Variants in DIS3L2 observed in about 807,000 individuals in gnomAD.
The protein encoded by DIS3L2 is DIS3-like exonuclease 2.
A neutral mutation model predicts 97.5 loss-of-function variants in DIS3L2; 34 were observed. That is an observed-to-expected ratio of 0.35 (90% CI 0.27 to 0.46). DIS3L2 has a LOEUF of 0.46. Ranked by LOEUF, DIS3L2 falls within the 20% of genes least tolerant of loss-of-function variation. The pLI is 1.00. For missense variants in DIS3L2, 1,038 were observed against 1,146.0 expected, an observed-to-expected ratio of 0.91 and a Z score of 1.36; for synonymous variants, 435 against 445.2, an observed-to-expected ratio of 0.98 and a Z score of 0.29.
At chr2:232,059,530 T>G (rs1695643260) in intron 5 of DIS3L2, among the ~76,000 whole-genome samples, 1 of 152,192 alleles carries the variant, frequency 6.6e-6, no homozygotes, top group South Asian at 2.1e-4. Flanking sequence ...TGTGCAGGTT[T>G]GTTACCTGAC....
intron 6 of DIS3L2, among the ~76,000 whole-genome samples, chr2:232,100,804 G>GAT (rs1553607346): frequency 5.4e-5 from 8 of 147,630 alleles, no homozygotes; most frequent in African/African-American, 2.0e-4. Flanking sequence ...TTGAAAGAAA[G>GAT]GTGTGTGTGT....
At chr2:232,015,400 T>G in intron 2 of DIS3L2, 114 bp from the exon 3 acceptor site, 1 of 1,360,944 alleles carries the variant, frequency 7.3e-7, no homozygotes, top group Non-Finnish European at 9.9e-7. Flanking sequence ...CATCAGGGAG[T>G]TTCAGTCTCT....
intron 14 of DIS3L2, among the ~76,000 whole-genome samples, chr2:232,310,477 G>A (rs778435401): frequency 2.0e-5 from 3 of 152,152 alleles, no homozygotes; most frequent in South Asian, 2.1e-4. Context: ...TCTCTCCACC[G>A]TCCACCCACA....
chr2:232,278,448 C>T (rs906677246), intron 13 of DIS3L2, among the ~76,000 whole-genome samples: 1 of 152,206 alleles, frequency 6.6e-6, no homozygotes, highest in East Asian at 1.9e-4. Context: ...AAAATTCCCA[C>T]GTGCCCCTCT....
At chr2:232,144,930 G>A (rs1256136488) in intron 8 of DIS3L2, among the ~76,000 whole-genome samples, 4 of 152,154 alleles carry the variant, frequency 2.6e-5, no homozygotes, top group African/African-American at 9.7e-5. Flanking sequence ...GCATCTTATC[G>A]GGGGCACATA....
At chr2:232,026,189 A>G (rs989590504) in intron 4 of DIS3L2, among the ~76,000 whole-genome samples, 2 of 152,208 alleles carry the variant, frequency 1.3e-5, no homozygotes, top group Admixed American at 1.3e-4. Flanking sequence ...GAAGGCACAC[A>G]TACCTTAAAT....
intron 13 of DIS3L2, among the ~76,000 whole-genome samples, chr2:232,275,571 T>G (rs1362836702): frequency 6.6e-6 from 1 of 152,224 alleles, no homozygotes; most frequent in Non-Finnish European, 1.5e-5. Context: ...TGTAGCACGG[T>G]TTGTTTTGCT....
At chr2:231,966,305 A>G (rs1043973839) in intron 1 of DIS3L2, among the ~76,000 whole-genome samples, 1 of 149,900 alleles carries the variant, frequency 6.7e-6, no homozygotes, top group African/African-American at 2.5e-5. Flanking sequence ...AGTAGCTGGG[A>G]CTACAAGCTC....
intron 3 of DIS3L2, among the ~76,000 whole-genome samples, chr2:232,019,380 C>A (rs555273827): frequency 6.6e-5 from 10 of 151,918 alleles, no homozygotes; most frequent in African/African-American, 2.4e-4. Context: ...AGTGAGACTT[C>A]ATCTGTACAA....
intron 6 of DIS3L2, among the ~76,000 whole-genome samples, chr2:232,113,841 G>T (rs561844177): frequency 1.2e-4 from 19 of 152,166 alleles, no homozygotes; most frequent in Non-Finnish European, 2.2e-4. Context: ...GCCTTTGTAG[G>T]ACTAACAAGT....
At chr2:232,301,691 C>G (rs1694859052) in intron 14 of DIS3L2, among the ~76,000 whole-genome samples, 1 of 152,178 alleles carries the variant, frequency 6.6e-6, no homozygotes, top group Non-Finnish European at 1.5e-5. Flanking sequence ...ACTCTCTGCT[C>G]TTTGGGAAAA....
At chr2:232,286,771 G>C (rs1694447716) in intron 13 of DIS3L2, among the ~76,000 whole-genome samples, 1 of 152,106 alleles carries the variant, frequency 6.6e-6, no homozygotes, top group Admixed American at 6.6e-5. Flanking sequence ...TCTCTACTAA[G>C]CAGCCCCCTG....
chr2:232,295,547 T>C (rs1694704066), intron 13 of DIS3L2, among the ~76,000 whole-genome samples: 1 of 152,204 alleles, frequency 6.6e-6, no homozygotes. Context: ...TAGTGCCTTC[T>C]TCCTGTCAGC....
chr2:232,027,079 T>C (rs1694680338), intron 4 of DIS3L2, among the ~76,000 whole-genome samples: 1 of 152,158 alleles, frequency 6.6e-6, no homozygotes, highest in Non-Finnish European at 1.5e-5. Context: ...ACATTCTTGC[T>C]TTGTGGGTTT....
At chr2:232,135,760 T>C (rs1473269108) in intron 7 of DIS3L2, among the ~76,000 whole-genome samples, 1 of 152,022 alleles carries the variant, frequency 6.6e-6, no homozygotes. Context: ...AACTGCAGGC[T>C]GAATCTTTGT....
At position 232,048,219 on chromosome 2, in the gene DIS3L2, C is replaced by T. The variant is rs547798992; in HGVS notation, c.366+18139C>T. 3.3e-5 allele frequency among the ~76,000 whole-genome samples: 5 copies of T among 152,218 alleles called. No homozygotes were observed. The South Asian group carries it at 1.0e-3, about 32-fold the overall frequency. On this transcript the variant is annotated intron_variant, in intron 5 of 20. Coordinates refer to ENST00000325385, the MANE Select transcript of DIS3L2 (RefSeq NM_152383.5). The stretch of plus-strand genomic sequence containing the variant: ...TTATGAATGTATACACAAGTTAAGC[C>T]CTAAAATTACTTGTTTTCTTTGGCA...
chr2:231,986,367 T>G (rs1269564994), intron 1 of DIS3L2, among the ~76,000 whole-genome samples: 1 of 152,212 alleles, frequency 6.6e-6, no homozygotes, highest in African/African-American at 2.4e-5. Context: ...CACAGGAAAG[T>G]TATCAACTTA....
chr2:232,330,814 G>T, intron 16 of DIS3L2, 38 bp downstream of exon 16: 1 of 1,588,852 alleles, frequency 6.3e-7, no homozygotes, highest in Non-Finnish European at 8.6e-7. Flanking sequence ...CTGCTCCCAG[G>T]AGCACACTAG....
intron 8 of DIS3L2, among the ~76,000 whole-genome samples, chr2:232,149,193 G>GT (rs762181547): frequency 0.13 from 18,004 of 137,560 alleles, 2,640 homozygotes; most frequent in African/African-American, 0.36. Flanking sequence ...GCGCTTAAAA[G>GT]TTTTTTTTTT....
Sources: allele counts gnomAD v4.1 joint callset (sites outside exome capture counted in the v4.1 genomes callset), GRCh38; gene constraint gnomAD v4.1.1; transcripts MANE v1.5; gene names NCBI Gene and HGNC (gene_info 2026-07-23, HGNC 2026-07-21).